DLGAP2: variants seen among roughly 807,000 people sequenced by gnomAD.
The protein encoded by DLGAP2 is DLG associated protein 2, also known as disks large-associated protein 2.
DLGAP2 carries 26 observed loss-of-function variants against 100.3 expected under a neutral mutation model. The ratio of observed to expected loss-of-function variants is 0.26; its 90% CI spans 0.19 to 0.36. The LOEUF is 0.36. DLGAP2 is among the 10% of genes least tolerant of loss of function. The probability of loss-of-function intolerance (pLI) is 1.00; values close to 1 mark genes in which losing one functional copy is unlikely to be tolerated. For synonymous variants in DLGAP2, 886 were observed against 630.1 expected (o/e 1.41, Z -6.08); for missense variants, 1,858 against 1,453.2 (o/e 1.28, Z -4.53).
At chr8:1,032,538 G>C (rs1802005546) in intron 2 of DLGAP2, 1 of 152,178 alleles carries the variant, frequency 6.6e-6, no homozygotes, top group African/African-American at 2.4e-5. Flanking sequence ...ACCCACAGCT[G>C]TTTTCCTTTG....
At chr8:1,050,601 G>A (rs1802649779) in intron 2 of DLGAP2, among the ~76,000 whole-genome samples, 2 of 152,166 alleles carry the variant, frequency 1.3e-5, no homozygotes, top group African/African-American at 4.8e-5. Flanking sequence ...GGAACTTGGT[G>A]TTCTTAGACT....
intron 8 of DLGAP2, among the ~76,000 whole-genome samples, chr8:1,650,314 T>G (rs1798133921): frequency 6.6e-6 from 1 of 152,222 alleles, no homozygotes; most frequent in South Asian, 2.1e-4. Context: ...GAGATAATCA[T>G]GTTCAAAAAC....
intron 1 of DLGAP2, among the ~76,000 whole-genome samples, chr8:810,053 A>G (rs1015152460): frequency 1.3e-5 from 2 of 152,214 alleles, no homozygotes; most frequent in South Asian, 4.1e-4. Flanking sequence ...GCCCATCAGC[A>G]CGACTGGGGG....
intron 1 of DLGAP2, among the ~76,000 whole-genome samples, chr8:811,997 C>A (rs901346700): frequency 1.4e-4 from 21 of 152,212 alleles, no homozygotes; most frequent in African/African-American, 4.8e-4. Flanking sequence ...TCTGGAAGGA[C>A]ATGGGGTGGT....
chr8:875,688 T>C (rs186873410), intron 1 of DLGAP2, among the ~76,000 whole-genome samples: 2 of 152,352 alleles, frequency 1.3e-5, no homozygotes, highest in South Asian at 2.1e-4. Flanking sequence ...TATAGTCTCA[T>C]ACCTTTTTTA....
chr8:1,420,567 A>G (rs1797063038), intron 3 of DLGAP2, among the ~76,000 whole-genome samples: 3 of 152,228 alleles, frequency 2.0e-5, no homozygotes, highest in South Asian at 4.1e-4. Flanking sequence ...ATACCTGAAT[A>G]TATTTAAAAA....
intron 1 of DLGAP2, among the ~76,000 whole-genome samples, chr8:837,183 C>T (rs892764164): frequency 6.6e-6 from 1 of 152,210 alleles, no homozygotes; most frequent in Non-Finnish European, 1.5e-5. Context: ...AGCGGATGCG[C>T]TCAGGCCTCG....
intron 4 of DLGAP2, among the ~76,000 whole-genome samples, chr8:1,540,765 T>C (rs1281612814): frequency 6.6e-6 from 1 of 152,220 alleles, no homozygotes; most frequent in Non-Finnish European, 1.5e-5. Context: ...GCCTGTACCT[T>C]CTGGAAATAT....
At chr8:782,694 C>T (rs1235577165) in intron 1 of DLGAP2, among the ~76,000 whole-genome samples, 2 of 152,172 alleles carry the variant, frequency 1.3e-5, no homozygotes, top group East Asian at 3.8e-4. Context: ...ATTTTATCAC[C>T]TGTTTTTCTC....
In DLGAP2 at chr8:1,658,883, T is replaced by C. The variant is rs760660757; in HGVS notation, c.1811-9446T>C. Among the ~76,000 whole-genome samples, 75 of 152,300 alleles carry C rather than the reference T, an allele frequency of 4.9e-4. 1 individual carries two copies. Among genetic ancestry groups the C allele is most frequent in the Middle Eastern group, 6.8e-3 (2 of 294 alleles). On this transcript the variant is annotated intron_variant, in intron 8 of 14. Coordinates refer to ENST00000637795, the MANE Select transcript of DLGAP2 (RefSeq NM_001346810.2). ...CTTGTCTTCTGCTAGCTTTTGAGTTTGTTTGATCTTGCTACTCTAGTTCTT... is the reference window on the plus strand; with the variant it reads ...CTTGTCTTCTGCTAGCTTTTGAGTTCGTTTGATCTTGCTACTCTAGTTCTT...
At chr8:1,314,598 G>C (rs893456578) in intron 3 of DLGAP2, among the ~76,000 whole-genome samples, 8 of 152,200 alleles carry the variant, frequency 5.3e-5, no homozygotes, top group African/African-American at 1.9e-4. Flanking sequence ...CCTCTCAGGT[G>C]TGCATTAGAT....
chr8:1,478,707 C>T (rs768148979), intron 3 of DLGAP2, among the ~76,000 whole-genome samples: 6 of 152,156 alleles, frequency 3.9e-5, no homozygotes, highest in Non-Finnish European at 7.3e-5. Context: ...AGACCTGGTC[C>T]GGGACATGGC....
intron 2 of DLGAP2, among the ~76,000 whole-genome samples, chr8:1,144,060 T>G (rs1796565125): frequency 6.6e-6 from 1 of 152,224 alleles, no homozygotes; most frequent in Admixed American, 6.5e-5. Context: ...CACCGCTTGT[T>G]TCCTCCATTG....
At chr8:791,329 C>G (rs1822021093) in intron 1 of DLGAP2, among the ~76,000 whole-genome samples, 1 of 152,212 alleles carries the variant, frequency 6.6e-6, no homozygotes. Context: ...GAAGCCCAGG[C>G]TGTTCCGGGT....
intron 1 of DLGAP2, among the ~76,000 whole-genome samples, chr8:797,511 A>G (rs977474675): frequency 1.3e-5 from 2 of 152,072 alleles, no homozygotes; most frequent in Non-Finnish European, 2.9e-5. Context: ...TGCTATGACT[A>G]TTTCTGTTGA....
intron 2 of DLGAP2, among the ~76,000 whole-genome samples, chr8:1,098,113 G>A (rs1804449149): frequency 1.3e-5 from 2 of 152,256 alleles, no homozygotes; most frequent in African/African-American, 2.4e-5. Flanking sequence ...CTCAGCAAAC[G>A]TTGGCGGCGC....
intron 3 of DLGAP2, among the ~76,000 whole-genome samples, chr8:1,471,947 T>C (rs1187541213): frequency 6.6e-6 from 1 of 152,232 alleles, no homozygotes; most frequent in Non-Finnish European, 1.5e-5. Context: ...CAGTACAACA[T>C]CATTAAATCG....
intron 1 of DLGAP2, among the ~76,000 whole-genome samples, chr8:866,737 A>C (rs1203986049): frequency 2.0e-5 from 3 of 152,214 alleles, no homozygotes; most frequent in South Asian, 4.1e-4. Flanking sequence ...TGCTGTGAGC[A>C]TCAAAATAAT....
intron 3 of DLGAP2, among the ~76,000 whole-genome samples, chr8:1,351,042 G>A (rs530769721): frequency 1.3e-4 from 11 of 82,782 alleles, no homozygotes; most frequent in Non-Finnish European, 2.6e-4. Flanking sequence ...TCCTGACTGT[G>A]TGTGGAAAGG....
Sources: gnomAD v4.1 joint callset for allele counts (sites outside exome capture counted in the v4.1 genomes callset) on GRCh38, gnomAD v4.1.1 for gene constraint, MANE v1.5 for transcripts, NCBI Gene and HGNC (gene_info 2026-07-23, HGNC 2026-07-21) for gene names.